ERMAP: variants seen among roughly 807,000 people sequenced by gnomAD.
ERMAP encodes the protein erythroid membrane-associated protein.
In ERMAP, 34 loss-of-function variants were observed where a neutral mutation model predicts 49.5. That is an observed-to-expected ratio of 0.69 (90% confidence interval 0.52 to 0.91). The LOEUF is 0.91. ERMAP is among the 40% of genes least tolerant of loss of function. The probability of loss-of-function intolerance (pLI) is 0.00; values close to 1 mark genes in which losing one functional copy is unlikely to be tolerated. For synonymous variants in ERMAP, 214 were observed against 232.2 expected, an observed-to-expected ratio of 0.92 and a Z score of 0.71; for missense variants, 541 against 582.6, an observed-to-expected ratio of 0.93 and a Z score of 0.74.
chr1:42,822,581 GCATATTCATCTCAAACATTTATCA>G, intron 1 of ERMAP, among the ~76,000 whole-genome samples: 1 of 152,162 alleles, frequency 6.6e-6, no homozygotes, highest in Non-Finnish European at 1.5e-5. Flanking sequence ...AGGGTAATTG[GCATATTCATCTCAAACATTTATCA>G]TTTCTGTGTT....
At chr1:42,817,428 G>C in intron 1 of ERMAP, 175 bp downstream of exon 1, 1 of 262,220 alleles carries the variant, frequency 3.8e-6, no homozygotes, top group Non-Finnish European at 6.5e-6. Context: ...CGTAGAGGGC[G>C]GGGCGGGGCA....
chr1:42,838,977 G>A, intron 8 of ERMAP, 56 bp downstream of exon 8: 2 of 1,613,930 alleles, frequency 1.2e-6, no homozygotes, highest in Non-Finnish European at 1.7e-6. Flanking sequence ...CTTTTGCTTT[G>A]GGATGAGCAT....
Position 42,844,012 on chromosome 1 carries a change from G to A in ERMAP, c.*780G>A, listed in dbSNP as rs1655143879. 3 of 398,414 alleles carry A rather than the reference G, an allele frequency of 7.5e-6. No homozygotes were observed. The Admixed American group carries it at 1.3e-4, about 18-fold the overall frequency. 24.7% of individuals were successfully genotyped at this position (398,414 alleles called of 1,614,324 possible). ...TCTGACCTTGGCCCAGACCTTCAGA[G>A]GCTCAGTCTGTTGAGTCTGTTGTGA... On this transcript the variant is annotated 3_prime_UTR_variant, in exon 12 of 12. Coordinates refer to ENST00000372517, the MANE Select transcript of ERMAP (RefSeq NM_001017922.2). This position sits in a 1 kb window ranked among gnomAD's most constrained non-coding sequence, Gnocchi z 4.0.
At chr1:42,830,667 T>C (rs1204386735) in intron 3 of ERMAP, 101 bp from the exon 4 acceptor site, 2 of 1,416,052 alleles carry the variant, frequency 1.4e-6, no homozygotes. Context: ...TCCAGAGTCC[T>C]TCCTGGGCTC....
chr1:42,832,252 T>G (rs1211946494), intron 4 of ERMAP, among the ~76,000 whole-genome samples: 1 of 142,152 alleles, frequency 7.0e-6, no homozygotes, highest in African/African-American at 2.6e-5. Context: ...AGTGCATTGG[T>G]GCAATCTTGG....
In ERMAP at chr1:42,830,976, G is replaced by A. The variant is rs140203431; in HGVS notation, c.294G>A (p.Thr98=). The A allele has an allele frequency of 1.4e-5, 22 of 1,614,208 alleles. No homozygotes were observed. The Admixed American group carries it at 1.5e-4, about 11-fold the overall frequency. ...TGATGCCGGAATATAAGGGGAGGACGGTGCTAGTGAGAGATGCCCAAGAGG... is the reference window on the plus strand; with the variant it reads ...TGATGCCGGAATATAAGGGGAGGACAGTGCTAGTGAGAGATGCCCAAGAGG... ...EDLMPEYKGR[T]VLVRDAQEGS... is the part of the protein sequence containing the mutation. Residue 98 remains threonine (T), a synonymous_variant, in exon 4 of 12, where the codon ACG becomes ACA. Coordinates refer to ENST00000372517, the MANE Select transcript of ERMAP (RefSeq NM_001017922.2).
rs1655094792 is a variant in ERMAP at position 42,842,701 on chromosome 1, G to A, written c.897G>A (p.Val299=). ...GCTGCCACTACTGGGAGGTGTATGT[G>A]GGAGACAAGACCAAATGGATTCTTG... ...TTGCHYWEVY[V]GDKTKWILGV... Residue 299 remains valine (V), a synonymous_variant, in exon 12 of 12, where the codon GTG becomes GTA. Coordinates refer to ENST00000372517, the MANE Select transcript of ERMAP (RefSeq NM_001017922.2). The A allele has an allele frequency of 1.9e-6, 3 of 1,614,154 alleles. No homozygotes were observed. The highest frequency in any genetic ancestry group is 2.5e-6 in the Non-Finnish European group (3 of 1,180,012).
At chr1:42,824,139 TC>T (rs1654473068) in intron 1 of ERMAP, among the ~76,000 whole-genome samples, 1 of 151,478 alleles carries the variant, frequency 6.6e-6, no homozygotes, top group Non-Finnish European at 1.5e-5. Context: ...GGTCAGGAGA[TC>T]AAGACCATCC....
chr1:42,825,819 C>T, intron 2 of ERMAP, 81 bp downstream of exon 2: 1 of 1,264,430 alleles, frequency 7.9e-7, no homozygotes, highest in Admixed American at 2.5e-5. Context: ...AAATAATCCC[C>T]TTTCTCCTTA....
At chr1:42,830,571 G>A (rs1307838810) in intron 3 of ERMAP, 38 bp downstream of exon 3, 2 of 1,592,742 alleles carry the variant, frequency 1.3e-6, no homozygotes, top group Non-Finnish European at 1.7e-6. Flanking sequence ...CCTGGTACAT[G>A]TGATATTGGC....
At chr1:42,835,827 C>T (rs1250505866) in intron 6 of ERMAP, 63 bp downstream of exon 6, 4 of 1,568,444 alleles carry the variant, frequency 2.6e-6, no homozygotes, top group South Asian at 1.2e-5. Flanking sequence ...CTGTGCCCCC[C>T]ATACCCACTA....
In ERMAP at chr1:42,844,294, C is replaced by T. The variant is rs34318657; in HGVS notation, c.*1062C>T. The T allele has an allele frequency of 1.7e-3, 652 of 395,024 alleles. 3 individuals are homozygous for T. The highest frequency in any genetic ancestry group is 0.012 in the African/African-American group (591 of 48,670). 24.5% of individuals were successfully genotyped at this position (395,024 alleles called of 1,614,324 possible). A position where few individuals can be genotyped will look rare whatever the true frequency, so the allele number is the denominator to read the frequency against. ...TGGGTGTGTATTGCAGAAGCCTCGT[C>T]GCTTTCAAGTCACATCATATATGCG... On this transcript the variant is annotated 3_prime_UTR_variant, in exon 12 of 12. Transcript: ENST00000372517. This position sits in a 1 kb window ranked among gnomAD's most constrained non-coding sequence, Gnocchi z 4.0.
intron 8 of ERMAP, chr1:42,839,436 C>T (rs1654995048): frequency 1.2e-5 from 2 of 167,498 alleles, no homozygotes; most frequent in South Asian, 2.9e-4. Context: ...CATGGTGAAA[C>T]CCCGTCTCTA....
intron 1 of ERMAP, chr1:42,824,731 C>T (rs1654494186): frequency 1.3e-5 from 2 of 152,228 alleles, no homozygotes; most frequent in Admixed American, 6.5e-5. Context: ...GGAATCATGT[C>T]GAATACAGCT....
rs140583376 is a variant in ERMAP at position 42,843,182 on chromosome 1, C to T, written c.1378C>T (p.Pro460Ser). 1.5e-4 allele frequency: 244 copies of T among 1,610,336 alleles called. No homozygotes were observed. Among genetic ancestry groups the T allele is most frequent in the Non-Finnish European group, 2.0e-4 (233 of 1,178,528 alleles). Reference sequence around the variant, plus strand: ...GCTGAAGGATATAATCCTGTCCTTGCCCCCTGACCTTGGCCCAGCCCTTCA... The same window carrying T: ...GCTGAAGGATATAATCCTGTCCTTGTCCCCTGACCTTGGCCCAGCCCTTCA... ...PELKDIILSL[P>S]PDLGPALQEL... The change falls in exon 12 of 12, where the codon CCC becomes TCC. Residue 460 changes from proline to serine, a missense_variant. By Grantham distance (74) the Pro-to-Ser change is moderately conservative (BLOSUM62 -1). Coordinates refer to ENST00000372517, the MANE Select transcript of ERMAP (RefSeq NM_001017922.2).
At chr1:42,820,798 G>C (rs1654385246) in intron 1 of ERMAP, among the ~76,000 whole-genome samples, 1 of 152,106 alleles carries the variant, frequency 6.6e-6, no homozygotes, top group Non-Finnish European at 1.5e-5. Context: ...CTGCTTCCTA[G>C]ATTGTCTCTG....
intron 3 of ERMAP, 31 bp from the exon 4 acceptor site, chr1:42,830,736 TC>T (rs1228789276): frequency 6.7e-7 from 1 of 1,497,276 alleles, no homozygotes; most frequent in Admixed American, 2.1e-5. Context: ...CTGCCGTCCC[TC>T]CCAGTTGGCC....
intron 2 of ERMAP, among the ~76,000 whole-genome samples, chr1:42,829,727 A>G (rs1654658015): frequency 6.6e-6 from 1 of 152,196 alleles, no homozygotes; most frequent in African/African-American, 2.4e-5. Flanking sequence ...GGCAGGCAGT[A>G]TCTTTTTGAA....
chr1:42,830,481 C>G lies in ERMAP; in HGVS notation c.33C>G (p.Leu11=), dbSNP rs202061674. 3 of 1,614,186 alleles carry G rather than the reference C, an allele frequency of 1.9e-6. No individual in the cohort carries two copies. The highest frequency in any genetic ancestry group is 2.5e-6 in the Non-Finnish European group (3 of 1,180,020). Residue 11 remains leucine (L), a synonymous_variant, in exon 3 of 12, where the codon CTC becomes CTG. Coordinates refer to ENST00000372517, the MANE Select transcript of ERMAP (RefSeq NM_001017922.2). ...TGGCGAGTTCTGCTGGCTCCTGGCT[C>G]TCTGGCTGCCTCATCCCTCTCGTCT... MEMASSAGSW[L]SGCLIPLVFL...
Sources: gnomAD v4.1 joint callset for allele counts (sites outside exome capture counted in the v4.1 genomes callset) on GRCh38, gnomAD v4.1.1 for gene constraint, Gnocchi (gnomAD v3.1) non-coding constraint, MANE v1.5 for transcripts, NCBI Gene and HGNC (gene_info 2026-07-23, HGNC 2026-07-21) for gene names.